Variants in DOCK8 observed in about 807,000 individuals in gnomAD.
DOCK8 encodes dedicator of cytokinesis 8, also known as dedicator of cytokinesis protein 8.
Under a neutral mutation model 245.6 loss-of-function variants are expected in DOCK8, and 141 were observed. That is an observed-to-expected ratio of 0.57 (90% CI 0.50 to 0.66). The LOEUF (loss-of-function observed/expected upper bound fraction) is 0.66, where lower values mean the gene tolerates loss of function less well. Among genes scored for constraint, DOCK8 ranks in the 30% least tolerant of loss-of-function variants. DOCK8 has a pLI of 0.00. For synonymous variants in DOCK8, 1,168 were observed against 970.2 expected (o/e 1.20, Z -3.79); for missense variants, 2,965 against 2,603.4 (o/e 1.14, Z -3.02).
chr9:422,997 A>C (rs1276462942), intron 33 of DOCK8, among the ~76,000 whole-genome samples: 2 of 151,818 alleles, frequency 1.3e-5, no homozygotes, highest in Admixed American at 6.6e-5. Flanking sequence ...AAAAAAAAAA[A>C]AAAAAAGAAC....
Position 464,385 on chromosome 9 carries a change from A to G in DOCK8, c.*166A>G. The G allele has an allele frequency of 1.4e-6, 1 of 714,456 alleles. No individual in the cohort carries two copies. The highest frequency in any genetic ancestry group is 2.6e-5 in the East Asian group (1 of 37,772). 44.3% of individuals were successfully genotyped at this position (714,456 alleles called of 1,614,324 possible). A position where few individuals can be genotyped will look rare whatever the true frequency, so the allele number is the denominator to read the frequency against. ...CCAGGAACCATGGAATTATTCCCAA[A>G]TGGACTCTGACCAGATTTTTGCCAT... On this transcript the variant is annotated 3_prime_UTR_variant, in exon 48 of 48. Transcript: ENST00000432829.
intron 5 of DOCK8, among the ~76,000 whole-genome samples, chr9:311,285 T>TAAAAA (rs57814753): frequency 2.1e-5 from 3 of 141,732 alleles, no homozygotes; most frequent in East Asian, 2.1e-4. Context: ...ACTCGGTCTT[T>TAAAAA]AAAAAAAAAA....
chr9:348,287 T>G (rs2052002093), intron 14 of DOCK8, among the ~76,000 whole-genome samples: 1 of 152,198 alleles, frequency 6.6e-6, no homozygotes, highest in Non-Finnish European at 1.5e-5. Context: ...AACCACAGAA[T>G]GTGCCGAATT....
chr9:380,077 G>A (rs936770829), intron 21 of DOCK8, 142 bp downstream of exon 21: 3 of 651,248 alleles, frequency 4.6e-6, no homozygotes, highest in Non-Finnish European at 7.9e-6. Context: ...GGCTGAGATG[G>A]CAGGATCGCT....
chr9:333,054 C>T (rs1210398682), intron 10 of DOCK8, among the ~76,000 whole-genome samples: 1 of 152,164 alleles, frequency 6.6e-6, no homozygotes, highest in African/African-American at 2.4e-5. Flanking sequence ...AGGCCACCCC[C>T]TGTTGTCTTC....
rs116262504 is a variant in DOCK8, at chr9:341,247, A to G, written c.1679+926A>G. 2.0e-3 allele frequency among the ~76,000 whole-genome samples: 311 copies of G among 152,346 alleles called. 2 individuals are homozygous for G. The highest frequency in any genetic ancestry group is 7.0e-3 in the African/African-American group (290 of 41,586). ...CTACTATATTGGAGAGTATGGAGCT[A>G]GACACTGAAGGCCTAACAGGTTGGG... On this transcript the variant is annotated intron_variant, in intron 14 of 47. Coordinates refer to ENST00000432829, the MANE Select transcript of DOCK8 (RefSeq NM_203447.4).
At position 336,632 on chromosome 9, in the gene DOCK8, T is replaced by C; in HGVS notation, c.1336T>C (p.Ser446Pro). Reference protein sequence around the residue: ...RRTLAQSRRLSERALSLEENG... With the variant: ...RRTLAQSRRLPERALSLEENG... ...GACATTGGCCCAATCTAGAAGGCTTTCTGAAAGAGCCCTCTCCTTGGAGGA... is the reference window on the plus strand; with the variant it reads ...GACATTGGCCCAATCTAGAAGGCTTCCTGAAAGAGCCCTCTCCTTGGAGGA... The change falls in exon 12 of 48, where the codon TCT (serine) becomes CCT (proline). Residue 446 changes from serine to proline, a missense_variant. Ser to Pro is a moderately conservative substitution (Grantham distance 74). Around this residue, in one of 3 missense-constraint regions of DOCK8, gnomAD observed 2,825 missense variants for 2,453.5 expected, o/e 1.15. Transcript: ENST00000432829. 5 of 1,614,174 alleles carry C rather than the reference T, an allele frequency of 3.1e-6. No homozygotes were observed. Among genetic ancestry groups the C allele is most frequent in the Non-Finnish European group, 4.2e-6 (5 of 1,180,026 alleles).
rs921194344 is a variant in DOCK8, at chr9:325,820, A to T, written c.894+83A>T. ...CATGTATGTTTTTAAATTTCTTTGCAGCAAGAACCTATCAGATTTGAAAGC... is the reference window on the plus strand; with the variant it reads ...CATGTATGTTTTTAAATTTCTTTGCTGCAAGAACCTATCAGATTTGAAAGC... On this transcript the variant is annotated intron_variant, in intron 8 of 47. Coordinates refer to ENST00000432829, the MANE Select transcript of DOCK8 (RefSeq NM_203447.4). 1.4e-5 allele frequency: 17 copies of T among 1,241,892 alleles called. No homozygotes were observed. In the African/African-American group the frequency reaches 1.6e-4, roughly 12 times the overall value. The allele number at this position is 1,241,892 out of a possible 1,614,324, so 76.9% of individuals were successfully genotyped here. A position where few individuals can be genotyped will look rare whatever the true frequency, so the allele number is the denominator to read the frequency against.
At position 332,495 on chromosome 9, in the gene DOCK8, GTTGTTAAATGGAGA is replaced by G. The variant is rs773434828; in HGVS notation, c.1125+18_1125+31del. ...GGTGGAAAGGTATGGTAATTTGAGT[GTTGTTAAATGGAGA>G]CATCTTAGAAGAAGCAGGTATTTTC... is the stretch of plus-strand genomic sequence containing the variant. On this transcript the variant is annotated intron_variant, in intron 10 of 47. Coordinates refer to ENST00000432829, the MANE Select transcript of DOCK8 (RefSeq NM_203447.4). The G allele has an allele frequency of 1.3e-6, 2 of 1,567,334 alleles. No individual in the cohort carries two copies. Among genetic ancestry groups the G allele is most frequent in the African/African-American group, 2.7e-5 (2 of 74,032 alleles).
At chr9:242,227 A>C (rs944199736) in intron 1 of DOCK8, among the ~76,000 whole-genome samples, 2 of 151,812 alleles carry the variant, frequency 1.3e-5, no homozygotes, top group African/African-American at 4.8e-5. Flanking sequence ...TAGTGGGTCC[A>C]CTCCCCACCT....
intron 10 of DOCK8, among the ~76,000 whole-genome samples, chr9:333,701 A>T (rs1385313676): frequency 8.9e-6 from 1 of 111,848 alleles, no homozygotes; most frequent in Non-Finnish European, 1.9e-5. Context: ...AACTCAAGGC[A>T]TTTTTTTTTT....
rs192939083 is a variant in DOCK8, at chr9:333,579, T to C, written c.1126-646T>C. Among the ~76,000 whole-genome samples, 347 of 149,564 alleles carry C rather than the reference T, an allele frequency of 2.3e-3. 7 individuals are homozygous for C. The East Asian group carries it at 0.047, about 20-fold the overall frequency. On this transcript the variant is annotated intron_variant, in intron 10 of 47. Transcript: ENST00000432829. The stretch of plus-strand genomic sequence containing the variant: ...TCGTGCCACTGCACTCCAGCCTGGG[T>C]GACAGAGTGAGACTCTGTCTCAAAA...
intron 1 of DOCK8, among the ~76,000 whole-genome samples, chr9:240,484 C>T (rs1298161420): frequency 6.6e-6 from 1 of 151,718 alleles, no homozygotes; most frequent in Admixed American, 6.6e-5. Flanking sequence ...GGTAAACTAG[C>T]CCTCTGTAGG....
chr9:314,205 C>G (rs781480447), intron 6 of DOCK8: 7 of 152,112 alleles, frequency 4.6e-5, no homozygotes, highest in Non-Finnish European at 1.0e-4. Context: ...TAGTTTCCAT[C>G]CACGACATTA....
intron 24 of DOCK8, among the ~76,000 whole-genome samples, chr9:392,873 C>A (rs2054262970): frequency 6.6e-6 from 1 of 151,762 alleles, no homozygotes; most frequent in Admixed American, 6.6e-5. Flanking sequence ...TTACACATCC[C>A]ACCCACCATC....
At chr9:307,283 T>C (rs2049878789) in intron 5 of DOCK8, among the ~76,000 whole-genome samples, 1 of 149,392 alleles carries the variant, frequency 6.7e-6, no homozygotes, top group African/African-American at 2.5e-5. Flanking sequence ...GCACACGCTT[T>C]CCTGCAGCAT....
chr9:298,637 GT>G (rs2049378062), intron 4 of DOCK8, among the ~76,000 whole-genome samples: 1 of 151,834 alleles, frequency 6.6e-6, no homozygotes, highest in African/African-American at 2.4e-5. Flanking sequence ...GTGTGTGTGT[GT>G]GTGTGTGTGT....
intron 5 of DOCK8, among the ~76,000 whole-genome samples, chr9:306,484 A>G (rs1057121548): frequency 2.0e-5 from 3 of 152,214 alleles, no homozygotes; most frequent in Non-Finnish European, 4.4e-5. Flanking sequence ...GTATTTCAGC[A>G]GAAGAAATTT....
At chr9:258,368 A>G (rs995065430) in intron 1 of DOCK8, among the ~76,000 whole-genome samples, 1 of 152,194 alleles carries the variant, frequency 6.6e-6, no homozygotes, top group African/African-American at 2.4e-5. Flanking sequence ...TTGGCCAAGG[A>G]GCTGGCTATG....
Sources: allele counts gnomAD v4.1 joint callset (sites outside exome capture counted in the v4.1 genomes callset), GRCh38; gene constraint gnomAD v4.1.1; regional missense constraint gnomAD v4.1.1; transcripts MANE v1.5; gene names NCBI Gene and HGNC (gene_info 2026-07-23, HGNC 2026-07-21).